The following TEX11 variants were observed in gnomAD, a reference collection of about 807,000 sequenced individuals.
The protein encoded by TEX11 is testis-expressed protein 11.
A neutral mutation model predicts 84.4 loss-of-function variants in TEX11; 7 were observed. The ratio of observed to expected loss-of-function variants is 0.08; its 90% CI spans 0.05 to 0.16. TEX11 has a LOEUF of 0.16. Ranked by LOEUF, TEX11 falls within the 10% of genes least tolerant of loss-of-function variation. The probability of loss-of-function intolerance (pLI) is 1.00; values close to 1 mark genes in which losing one functional copy is unlikely to be tolerated. For synonymous variants in TEX11, 264 were observed against 222.8 expected, an observed-to-expected ratio of 1.18 and a Z score of -1.64; for missense variants, 551 against 660.5, an observed-to-expected ratio of 0.83 and a Z score of 1.82.
chrX:70,843,934 A>C lies in TEX11; in HGVS notation c.525+9100T>G, dbSNP rs1242175831. 6.3e-5 allele frequency among the ~76,000 whole-genome samples: 7 copies of C among 111,561 alleles called. No individual in the cohort carries two copies. The South Asian group carries it at 2.7e-3, about 43-fold the overall frequency. On this transcript the variant is annotated intron_variant, in intron 7 of 29. Coordinates refer to ENST00000374333, the MANE Select transcript of TEX11 (RefSeq NM_031276.3). ...GAGATACCATCTCACACCAGTTAGA[A>C]TGGCATCATTAAAAAGTCAGGAAAC...
Position 70,624,894 on chromosome X carries a change from A to C in TEX11, c.1639T>G (p.Leu547Val), listed in dbSNP as rs2089433537. 5.0e-6 allele frequency: 6 copies of C among 1,209,339 alleles called. No homozygotes were observed. Among genetic ancestry groups the C allele is most frequent in the Non-Finnish European group, 6.7e-6 (6 of 894,127 alleles). ...TCTGAATGTTGAGCTAAATATTCCA[A>C]AGCTTTTTCTGCCACAATTTGTTGT... ...NGQQIVAEKA[L>V]EYLAQHSEDQ... The change falls in exon 19 of 30, where the codon TTG becomes GTG. Residue 547 changes from leucine (L) to valine (V), a missense_variant. Coordinates refer to ENST00000374333, the MANE Select transcript of TEX11 (RefSeq NM_031276.3).
chrX:70,556,929 A>G (rs1170942488), intron 25 of TEX11, among the ~76,000 whole-genome samples: 3 of 110,083 alleles, frequency 2.7e-5, no homozygotes, highest in Non-Finnish European at 5.7e-5. Context: ...ACTAATCAGC[A>G]AGTTCATCAA....
At chrX:70,828,553 GA>G (rs999072056) in intron 8 of TEX11, among the ~76,000 whole-genome samples, 1 of 108,039 alleles carries the variant, frequency 9.3e-6, no homozygotes, top group Non-Finnish European at 1.9e-5. Flanking sequence ...GGAGACAAAA[GA>G]AAAAAAATAA....
intron 24 of TEX11, among the ~76,000 whole-genome samples, chrX:70,603,765 A>T (rs1005558417): frequency 3.8e-4 from 42 of 110,720 alleles, no homozygotes; most frequent in Non-Finnish European, 5.9e-4. Context: ...GTGAACAGGC[A>T]ACCTACAACA....
Position 70,702,461 on chromosome X carries a change from T to C in TEX11, c.1005-19636A>G, listed in dbSNP as rs370213098. Among the ~76,000 whole-genome samples the C allele has an allele frequency of 1.1e-4, 12 of 112,356 alleles. No individual in the cohort carries two copies. The South Asian group carries it at 4.5e-3, about 42-fold the overall frequency. On this transcript the variant is annotated intron_variant, in intron 13 of 29. Coordinates refer to ENST00000374333, the MANE Select transcript of TEX11 (RefSeq NM_031276.3). ...TAATAGACTACAGTATATAGTAACCTAACTTTTACATGCACTGAGAAATAA... is the reference window on the plus strand; with the variant it reads ...TAATAGACTACAGTATATAGTAACCCAACTTTTACATGCACTGAGAAATAA...
Position 70,781,406 on chromosome X carries a change from T to C in TEX11, c.692+25299A>G, listed in dbSNP as rs772654578. Among the ~76,000 whole-genome samples the C allele has an allele frequency of 2.0e-4, 22 of 111,733 alleles. 1 individual carries two copies. Among genetic ancestry groups the C allele is most frequent in the Admixed American group, 1.6e-3 (17 of 10,492 alleles). On this transcript the variant is annotated intron_variant, in intron 9 of 29. Transcript: ENST00000374333. The stretch of plus-strand genomic sequence containing the variant: ...AAATTCTAAAAACCAGAGAGCCTCT[T>C]CTCCTCCAAAGGATCACAGCTCCTC...
At chrX:70,811,556 G>T (rs772806893) in intron 8 of TEX11, among the ~76,000 whole-genome samples, 1 of 111,548 alleles carries the variant, frequency 9.0e-6, no homozygotes, top group South Asian at 3.9e-4. Context: ...TGGGATGGCT[G>T]GGTCAAATGG....
At chrX:70,658,408 C>G (rs1371242830) in intron 16 of TEX11, among the ~76,000 whole-genome samples, 1 of 111,181 alleles carries the variant, frequency 9.0e-6, no homozygotes, top group East Asian at 2.8e-4. Flanking sequence ...CAGAGCGAGA[C>G]TCAGTCTCAA....
chrX:70,574,799 A>G (rs1455466998), intron 25 of TEX11, among the ~76,000 whole-genome samples: 1 of 111,452 alleles, frequency 9.0e-6, no homozygotes, highest in East Asian at 2.8e-4. Context: ...TAGTATTGAA[A>G]GTTGCTATTT....
intron 9 of TEX11, 102 bp downstream of exon 9, chrX:70,806,603 A>T (rs1023602581): frequency 1.9e-6 from 1 of 513,470 alleles, no homozygotes; most frequent in Non-Finnish European, 3.3e-6. Flanking sequence ...TTGGCTTCTG[A>T]AGTCAGAGAA....
At chrX:70,548,413 T>TATA (rs2088167078) in intron 28 of TEX11, among the ~76,000 whole-genome samples, 1 of 107,830 alleles carries the variant, frequency 9.3e-6, no homozygotes, top group Admixed American at 1.1e-4. Flanking sequence ...AAACTTAAAG[T>TATA]ATAATAATAA....
chrX:70,842,984 A>T (rs968593499), intron 7 of TEX11, among the ~76,000 whole-genome samples: 6 of 112,064 alleles, frequency 5.4e-5, no homozygotes, highest in African/African-American at 1.9e-4. Context: ...AAAAGAGGAT[A>T]CAAACAAATG....
intron 13 of TEX11, among the ~76,000 whole-genome samples, chrX:70,719,925 C>G (rs1178127697): frequency 9.0e-6 from 1 of 111,358 alleles, no homozygotes; most frequent in Non-Finnish European, 1.9e-5. Flanking sequence ...GTTGGTGGGA[C>G]TGTAAACTAG....
At position 70,856,483 on chromosome X, in the gene TEX11, G is replaced by A. The variant is rs188995513; in HGVS notation, c.325-3155C>T. The stretch of plus-strand genomic sequence containing the variant: ...ATATAACCTATACACATCTTCCCAT[G>A]TACTATAAATCATCTCTAGATGATT... On this transcript the variant is annotated intron_variant, in intron 5 of 29. Coordinates refer to ENST00000374333, the MANE Select transcript of TEX11 (RefSeq NM_031276.3). 5.2e-3 allele frequency among the ~76,000 whole-genome samples: 572 copies of A among 110,826 alleles called. 3 individuals carry two copies. The highest frequency in any genetic ancestry group is 0.017 in the African/African-American group (534 of 30,615).
chrX:70,740,647 A>G, intron 11 of TEX11, 54 bp downstream of exon 11: 1 of 898,798 alleles, frequency 1.1e-6, no homozygotes, highest in Non-Finnish European at 1.6e-6. Context: ...TCAAAATGTG[A>G]TCAAGACTTC....
At chrX:70,743,253 G>A (rs139807402) in intron 10 of TEX11, among the ~76,000 whole-genome samples, 2 of 112,047 alleles carry the variant, frequency 1.8e-5, no homozygotes, top group Admixed American at 1.9e-4. Flanking sequence ...ATATTTCATT[G>A]TAGTCACTTG....
At chrX:70,644,424 A>G (rs1451445943) in intron 17 of TEX11, among the ~76,000 whole-genome samples, 2 of 104,926 alleles carry the variant, frequency 1.9e-5, no homozygotes, top group Non-Finnish European at 3.9e-5. Context: ...ATTACTGGGT[A>G]TATACCCAAA....
intron 2 of TEX11, among the ~76,000 whole-genome samples, chrX:70,892,852 G>C (rs189862047): frequency 1.8e-5 from 2 of 110,414 alleles, no homozygotes; most frequent in East Asian, 5.6e-4. Flanking sequence ...TAAAGGGATG[G>C]AGGGTTATTT....
At chrX:70,774,908 A>G (rs2090992367) in intron 9 of TEX11, among the ~76,000 whole-genome samples, 1 of 111,875 alleles carries the variant, frequency 8.9e-6, no homozygotes, top group Non-Finnish European at 1.9e-5. Context: ...AACAACAACA[A>G]CAACAAACAA....
Sources: allele counts gnomAD v4.1 joint callset (sites outside exome capture counted in the v4.1 genomes callset), GRCh38; gene constraint gnomAD v4.1.1; transcripts MANE v1.5; gene names NCBI Gene and HGNC (gene_info 2026-07-23, HGNC 2026-07-21).